The following RBFOX1 variants were observed in gnomAD, a reference collection of about 807,000 sequenced individuals.
The protein encoded by RBFOX1 is RNA binding protein fox-1 homolog 1.
RBFOX1 carries 8 observed loss-of-function variants against 57.7 expected under a neutral mutation model. That is an observed-to-expected ratio of 0.14 (90% CI 0.08 to 0.25). RBFOX1 has a LOEUF of 0.25. RBFOX1 is among the 10% of genes least tolerant of loss of function. RBFOX1 has a pLI of 1.00. For missense variants in RBFOX1, 611 were observed against 548.5 expected, an observed-to-expected ratio of 1.11 and a Z score of -1.14; for synonymous variants, 326 against 222.4, an observed-to-expected ratio of 1.47 and a Z score of -4.15.
chr16:6,476,159 T>G (rs1047336433), intron 2 of RBFOX1, among the ~76,000 whole-genome samples: 1 of 152,104 alleles, frequency 6.6e-6, no homozygotes, highest in Non-Finnish European at 1.5e-5. Context: ...TTACATCTGT[T>G]TGAAAAATAG....
chr16:7,475,823 A>C (rs4787025), intron 4 of RBFOX1, among the ~76,000 whole-genome samples: 127,640 of 152,194 alleles, frequency 0.84, 56,190 homozygotes, highest in East Asian at 0.99. Flanking sequence ...ATTTGAATAT[A>C]TGTTGGTAAC....
intron 3 of RBFOX1, among the ~76,000 whole-genome samples, chr16:6,856,192 T>G (rs905844287): frequency 6.6e-6 from 1 of 152,062 alleles, no homozygotes; most frequent in African/African-American, 2.4e-5. Flanking sequence ...AAATGTGTAT[T>G]GAGAACCAGA....
intron 4 of RBFOX1, among the ~76,000 whole-genome samples, chr16:7,187,482 G>A (rs960705219): frequency 3.3e-5 from 5 of 151,436 alleles, no homozygotes; most frequent in Non-Finnish European, 5.9e-5. Flanking sequence ...GAGATCAGGA[G>A]ATCGAGACCA....
At chr16:5,729,879 G>A (rs528873653) in intron 3 of RBFOX1, among the ~76,000 whole-genome samples, 1 of 152,288 alleles carries the variant, frequency 6.6e-6, no homozygotes, top group South Asian at 2.1e-4. Flanking sequence ...GCAAATCCTA[G>A]CCCCGAGAGC....
intron 2 of RBFOX1, among the ~76,000 whole-genome samples, chr16:6,454,680 T>C (rs2094716309): frequency 6.6e-6 from 1 of 152,132 alleles, no homozygotes; most frequent in South Asian, 2.1e-4. Flanking sequence ...TGCATTCTTC[T>C]GCCTGGGAGG....
intron 2 of RBFOX1, among the ~76,000 whole-genome samples, chr16:6,460,335 T>C (rs1020429117): frequency 6.6e-6 from 1 of 151,808 alleles, no homozygotes; most frequent in Non-Finnish European, 1.5e-5. Flanking sequence ...TGAGAGAAAA[T>C]TTTTGCAATC....
intron 1 of RBFOX1, among the ~76,000 whole-genome samples, chr16:6,201,764 C>G (rs550685320): frequency 3.7e-4 from 56 of 152,312 alleles, no homozygotes; most frequent in African/African-American, 1.3e-3. Context: ...CTGCCTGTAT[C>G]AAAACATCAC....
chr16:5,288,393 C>G (rs2063451973), intron 1 of RBFOX1, among the ~76,000 whole-genome samples: 1 of 152,180 alleles, frequency 6.6e-6, no homozygotes, highest in Non-Finnish European at 1.5e-5. Context: ...TTCATAATAA[C>G]ATTAGCCAAC....
chr16:5,598,959 T>TTCTA lies in RBFOX1; in HGVS notation c.316_317insTCTA (p.Ser106PhefsTer5), dbSNP rs2047276314. 10 of 1,531,214 alleles carry TTCTA rather than the reference T, an allele frequency of 6.5e-6. No individual in the cohort carries two copies. The highest frequency in any genetic ancestry group is 7.0e-6 in the Non-Finnish European group (8 of 1,142,498). The allele number at this position is 1,531,214 out of a possible 1,614,324, so 94.9% of individuals were successfully genotyped here. On this transcript the variant is annotated frameshift_variant, in exon 3 of 3. Transcript: ENST00000585867. LOFTEE classifies it low-confidence loss of function (END_TRUNC). ...CGGTGCCAAGAACAGCCTGCAAGAC[T>TTCTA]CCGTAAGTAGAAGCATTTTGCTGAA...
intron 1 of RBFOX1, among the ~76,000 whole-genome samples, chr16:6,273,706 G>C: frequency 6.6e-6 from 1 of 152,018 alleles, no homozygotes; most frequent in East Asian, 1.9e-4. Context: ...TGATAAATTG[G>C]ACTTCATCAA....
intron 4 of RBFOX1, among the ~76,000 whole-genome samples, chr16:6,001,968 CTTT>C (rs35956460): frequency 2.9e-5 from 4 of 136,094 alleles, no homozygotes; most frequent in Admixed American, 7.3e-5. Flanking sequence ...GCTCTTAAAC[CTTT>C]TTTTTTTTTT....
At chr16:7,105,373 G>C (rs139878735) in intron 4 of RBFOX1, among the ~76,000 whole-genome samples, 17 of 149,324 alleles carry the variant, frequency 1.1e-4, no homozygotes, top group African/African-American at 4.2e-4. Context: ...GGTGGTGTTT[G>C]GTTACATGAA....
intron 3 of RBFOX1, among the ~76,000 whole-genome samples, chr16:6,952,600 T>C (rs1273070094): frequency 6.6e-6 from 1 of 151,904 alleles, no homozygotes; most frequent in Non-Finnish European, 1.5e-5. Flanking sequence ...ATCATGCCAC[T>C]GGACTACAGC....
At chr16:6,105,401 CAG>C (rs981665133) in intron 1 of RBFOX1, among the ~76,000 whole-genome samples, 3 of 151,774 alleles carry the variant, frequency 2.0e-5, no homozygotes, top group African/African-American at 4.8e-5. Context: ...AAAAAAAAAT[CAG>C]AGTTTTGTTC....
intron 4 of RBFOX1, among the ~76,000 whole-genome samples, chr16:7,101,521 A>T (rs1599532396): frequency 6.6e-6 from 1 of 152,272 alleles, no homozygotes; most frequent in East Asian, 1.9e-4. Context: ...ACCAAAGTGT[A>T]TCCAACCAAA....
intron 2 of RBFOX1, among the ~76,000 whole-genome samples, chr16:6,521,654 T>C (rs2096501286): frequency 6.6e-6 from 1 of 152,048 alleles, no homozygotes; most frequent in Admixed American, 6.6e-5. Flanking sequence ...ACTTGTAGGC[T>C]AGCTTAGGAA....
chr16:6,029,609 T>C (rs2095258014), intron 1 of RBFOX1, among the ~76,000 whole-genome samples: 2 of 150,186 alleles, frequency 1.3e-5, no homozygotes, highest in East Asian at 2.0e-4. Context: ...CCGTCTCTAC[T>C]AAAAATACAA....
intron 10 of RBFOX1, among the ~76,000 whole-genome samples, chr16:7,621,912 C>T (rs1036345675): frequency 6.6e-6 from 1 of 152,180 alleles, no homozygotes; most frequent in Non-Finnish European, 1.5e-5. Flanking sequence ...GAAAAGCAGC[C>T]ATACACAAAA....
At chr16:5,324,870 A>T (rs930560159) in intron 1 of RBFOX1, among the ~76,000 whole-genome samples, 13 of 152,216 alleles carry the variant, frequency 8.5e-5, no homozygotes, top group African/African-American at 3.1e-4. Flanking sequence ...ACTATCATTT[A>T]CTAGACTTAG....
Sources: gnomAD v4.1 joint callset for allele counts (sites outside exome capture counted in the v4.1 genomes callset) on GRCh38, gnomAD v4.1.1 for gene constraint, MANE v1.5 for transcripts, NCBI Gene and HGNC (gene_info 2026-07-23, HGNC 2026-07-21) for gene names.